DIAPH2: variants seen among roughly 807,000 people sequenced by gnomAD.
DIAPH2 encodes the protein diaphanous related formin 2.
A neutral mutation model predicts 92.7 loss-of-function variants in DIAPH2; 35 were observed. That is an observed-to-expected ratio of 0.38 (90% CI 0.29 to 0.50). The LOEUF (loss-of-function observed/expected upper bound fraction) is 0.50, where lower values mean the gene tolerates loss of function less well. Among genes scored for constraint, DIAPH2 ranks in the 20% least tolerant of loss-of-function variants. The pLI, the probability that DIAPH2 is intolerant of heterozygous loss-of-function variation, is 0.94. For missense variants in DIAPH2, 701 were observed against 819.5 expected, an observed-to-expected ratio of 0.86 and a Z score of 1.77; for synonymous variants, 301 against 280.4, an observed-to-expected ratio of 1.07 and a Z score of -0.73.
chrX:97,057,085 G>A (rs1329862533), intron 17 of DIAPH2, among the ~76,000 whole-genome samples: 1 of 112,017 alleles, frequency 8.9e-6, no homozygotes. Flanking sequence ...ATTACTATTA[G>A]AAAGGAAATT....
intron 24 of DIAPH2, among the ~76,000 whole-genome samples, chrX:97,360,206 A>G (rs1435369937): frequency 8.9e-6 from 1 of 111,806 alleles, no homozygotes; most frequent in Admixed American, 9.6e-5. Flanking sequence ...CAAACTTCAT[A>G]CTGGAGACAC....
intron 26 of DIAPH2, among the ~76,000 whole-genome samples, chrX:97,475,483 A>T (rs1053124723): frequency 2.1e-4 from 24 of 112,028 alleles, no homozygotes; most frequent in African/African-American, 6.5e-4. Context: ...TAGTTTCTGC[A>T]GCAGACAAGG....
At chrX:96,876,885 T>G (rs1434006270) in intron 4 of DIAPH2, among the ~76,000 whole-genome samples, 2 of 111,314 alleles carry the variant, frequency 1.8e-5, no homozygotes, top group East Asian at 5.6e-4. Context: ...GTTATGTACA[T>G]TTACCCTAGA....
chrX:97,512,021 C>T (rs1175009108), intron 26 of DIAPH2, among the ~76,000 whole-genome samples: 1 of 113,606 alleles, frequency 8.8e-6, no homozygotes, highest in Non-Finnish European at 1.9e-5. Context: ...ATGCTGGCCT[C>T]ATAAAATCAG....
At chrX:97,572,845 T>C (rs772748800) in intron 26 of DIAPH2, among the ~76,000 whole-genome samples, 55 of 111,726 alleles carry the variant, frequency 4.9e-4, no homozygotes, top group Admixed American at 2.2e-3. Context: ...GTTTTGAGTG[T>C]TCCAGGGAAA....
intron 23 of DIAPH2, among the ~76,000 whole-genome samples, chrX:97,330,691 T>C: frequency 9.1e-6 from 1 of 109,686 alleles, no homozygotes; most frequent in Non-Finnish European, 1.9e-5. Context: ...TTTCGTATTT[T>C]TAGTAGAGAT....
At chrX:97,575,670 G>T (rs2071395840) in intron 26 of DIAPH2, among the ~76,000 whole-genome samples, 1 of 111,860 alleles carries the variant, frequency 8.9e-6, no homozygotes, top group Admixed American at 9.5e-5. Context: ...GTGTGAGGTA[G>T]CTTTGGAACA....
At chrX:96,823,582 C>T (rs958734124) in intron 4 of DIAPH2, among the ~76,000 whole-genome samples, 13 of 111,071 alleles carry the variant, frequency 1.2e-4, no homozygotes, top group Non-Finnish European at 2.3e-4. Flanking sequence ...ATTTTCTTCT[C>T]TTGCATTAAC....
At chrX:97,207,380 TGGGA>T (rs1453478110) in intron 22 of DIAPH2, among the ~76,000 whole-genome samples, 1 of 112,058 alleles carries the variant, frequency 8.9e-6, no homozygotes, top group Admixed American at 9.5e-5. Flanking sequence ...AGATCGTCTG[TGGGA>T]CGTTTGTAAC....
At chrX:97,317,538 A>C (rs1029278696) in intron 23 of DIAPH2, among the ~76,000 whole-genome samples, 1 of 112,353 alleles carries the variant, frequency 8.9e-6, no homozygotes, top group African/African-American at 3.2e-5. Context: ...AATCTCATAC[A>C]TTGATTTGAT....
chrX:97,247,703 A>T lies in DIAPH2; in HGVS notation c.2720-12A>T, dbSNP rs769846318. 1 of 1,197,759 alleles carries T rather than the reference A, an allele frequency of 8.3e-7. No individual in the cohort carries two copies. Among genetic ancestry groups the T allele is most frequent in the Admixed American group, 2.2e-5 (1 of 45,181 alleles). ...GTAAAATATTCTAAATCCTTTGCACACTGTTCTTTAGTTTCAGCTCAAATT... is the reference window on the plus strand; with the variant it reads ...GTAAAATATTCTAAATCCTTTGCACTCTGTTCTTTAGTTTCAGCTCAAATT... On this transcript the variant is annotated splice_polypyrimidine_tract_variant and intron_variant, in intron 22 of 26. Coordinates refer to ENST00000324765, the MANE Select transcript of DIAPH2 (RefSeq NM_006729.5).
chrX:97,476,986 C>T (rs5921833), intron 26 of DIAPH2, among the ~76,000 whole-genome samples: 11,691 of 30,974 alleles, frequency 0.38, 2,173 homozygotes, highest in Non-Finnish European at 0.42. Context: ...TATATATATA[C>T]ACACACACAC....
At chrX:97,013,232 C>A (rs2066239123) in intron 17 of DIAPH2, among the ~76,000 whole-genome samples, 1 of 112,103 alleles carries the variant, frequency 8.9e-6, no homozygotes, top group African/African-American at 3.2e-5. Context: ...AGGGAGAAGA[C>A]AAAATACCTA....
chrX:97,023,493 A>G (rs1391973591), intron 17 of DIAPH2, among the ~76,000 whole-genome samples: 1 of 111,762 alleles, frequency 8.9e-6, no homozygotes, highest in Non-Finnish European at 1.9e-5. Context: ...AAATGAGAAA[A>G]TCGAAGCGTA....
At chrX:97,483,363 A>T (rs1402698928) in intron 26 of DIAPH2, among the ~76,000 whole-genome samples, 2 of 108,796 alleles carry the variant, frequency 1.8e-5, no homozygotes, top group African/African-American at 3.3e-5. Context: ...TGATATGAAT[A>T]AGTTAGGAAA....
chrX:97,018,604 A>G (rs981758305), intron 17 of DIAPH2, among the ~76,000 whole-genome samples: 1 of 112,046 alleles, frequency 8.9e-6, no homozygotes, highest in East Asian at 2.8e-4. Context: ...TCTATTTGTT[A>G]TTGTTTTAAT....
rs183311004 is a variant in DIAPH2, at chrX:97,021,324, G to A, written c.2051-51617G>A. ...GGTGATCCTCGCACCTCAGTCTCCCGAGTAGCTGGGACTACAGGTGCATGC... is the reference window on the plus strand; with the variant it reads ...GGTGATCCTCGCACCTCAGTCTCCCAAGTAGCTGGGACTACAGGTGCATGC... On this transcript the variant is annotated intron_variant, in intron 17 of 26. Transcript: ENST00000324765. Among the ~76,000 whole-genome samples the A allele has an allele frequency of 7.5e-4, 84 of 111,506 alleles. 1 individual carries two copies. The highest frequency in any genetic ancestry group is 7.4e-3 in the Admixed American group (78 of 10,521).
chrX:97,586,113 A>G (rs1422875220), intron 26 of DIAPH2, among the ~76,000 whole-genome samples: 1 of 111,502 alleles, frequency 9.0e-6, no homozygotes, highest in Non-Finnish European at 1.9e-5. Context: ...TCTACCATCT[A>G]TTACCCAAAT....
intron 4 of DIAPH2, among the ~76,000 whole-genome samples, chrX:96,773,328 T>G (rs1203764887): frequency 6.0e-5 from 6 of 100,085 alleles, no homozygotes; most frequent in African/African-American, 2.2e-4. Flanking sequence ...TTTAAAGTGT[T>G]AAGTTAAAAA....
Sources: gnomAD v4.1 joint callset for allele counts (sites outside exome capture counted in the v4.1 genomes callset) on GRCh38, gnomAD v4.1.1 for gene constraint, MANE v1.5 for transcripts, NCBI Gene and HGNC (gene_info 2026-07-23, HGNC 2026-07-21) for gene names.